Variants in PCBP3 observed in about 807,000 individuals in gnomAD.
PCBP3 encodes the protein poly(rC)-binding protein 3.
PCBP3 carries 25 observed loss-of-function variants against 52.7 expected under a neutral mutation model. The ratio of observed to expected loss-of-function variants is 0.47; its 90% confidence interval spans 0.35 to 0.66. PCBP3 has a LOEUF of 0.66. PCBP3 is among the 30% of genes least tolerant of loss of function. PCBP3 has a pLI of 0.01. For synonymous variants in PCBP3, 162 were observed against 183.0 expected, an observed-to-expected ratio of 0.89 and a Z score of 0.93; for missense variants, 391 against 490.3, an observed-to-expected ratio of 0.80 and a Z score of 1.91.
intron 4 of PCBP3, among the ~76,000 whole-genome samples, chr21:45,822,679 GGGGACAGGGTTAGGAGAGTGA>G (rs1432475495): frequency 4.4e-4 from 67 of 151,722 alleles, no homozygotes; most frequent in African/African-American, 1.6e-3. Context: ...GGACCCAGCA[GGGGACAGGGTTAGGAGAGTGA>G]GGGACAGGGT....
chr21:45,756,089 C>G (rs2088012834), intron 4 of PCBP3, among the ~76,000 whole-genome samples: 1 of 152,096 alleles, frequency 6.6e-6, no homozygotes, highest in Non-Finnish European at 1.5e-5. Flanking sequence ...ATTCCCCATC[C>G]CCCATCCATT....
At chr21:45,860,678 C>T (rs976650688) in intron 5 of PCBP3, among the ~76,000 whole-genome samples, 1 of 152,198 alleles carries the variant, frequency 6.6e-6, no homozygotes, top group Non-Finnish European at 1.5e-5. Flanking sequence ...TGCGAGGCTG[C>T]GTGACAGCGC....
intron 4 of PCBP3, chr21:45,760,826 C>T (rs1473563403): frequency 6.6e-6 from 1 of 152,184 alleles, no homozygotes; most frequent in Non-Finnish European, 1.5e-5. Context: ...TGGCTCATGC[C>T]TGTAATCCCA....
intron 4 of PCBP3, among the ~76,000 whole-genome samples, chr21:45,801,318 G>C (rs796408173): frequency 2.6e-5 from 4 of 152,324 alleles, no homozygotes; most frequent in African/African-American, 7.2e-5. Context: ...GTCTGTCTGA[G>C]TCCTGCCCTT....
chr21:45,655,658 T>C (rs2146939056), intron 1 of PCBP3, among the ~76,000 whole-genome samples: 1 of 152,166 alleles, frequency 6.6e-6, no homozygotes, highest in East Asian at 1.9e-4. Context: ...AATTAACAAA[T>C]GGGATCTAAT....
At chr21:45,900,228 C>T (rs970694312) in intron 7 of PCBP3, among the ~76,000 whole-genome samples, 1 of 152,300 alleles carries the variant, frequency 6.6e-6, no homozygotes, top group Non-Finnish European at 1.5e-5. Context: ...TCACCACCTC[C>T]GGGAGGCTGA....
At chr21:45,823,978 G>A (rs1020543714) in intron 4 of PCBP3, among the ~76,000 whole-genome samples, 2 of 152,180 alleles carry the variant, frequency 1.3e-5, no homozygotes, top group Admixed American at 1.3e-4. Flanking sequence ...CTGACCTCAC[G>A]TAATTCACCC....
intron 2 of PCBP3, among the ~76,000 whole-genome samples, chr21:45,698,601 A>G (rs2082927858): frequency 6.6e-6 from 1 of 152,238 alleles, no homozygotes; most frequent in Admixed American, 6.5e-5. Flanking sequence ...CAGTGACAGC[A>G]CTCATTCCAG....
rs114536865 is a variant in PCBP3, at chr21:45,940,113, C to T, written c.993C>T (p.Asn331=). 78 of 1,614,162 alleles carry T rather than the reference C, an allele frequency of 4.8e-5. No homozygotes were observed. The highest frequency in any genetic ancestry group is 1.6e-4 in the South Asian group (15 of 91,082). The change falls in exon 17 of 18, where the codon AAC becomes AAT. Residue 331 remains asparagine, a synonymous_variant. Transcript: ENST00000681687. Reference sequence around the variant, plus strand: ...CTGGAGCTCAGATCAAAATCGCCAACGCCACGGAAGGGTCCTCAGAGCGTC... The same window carrying T: ...CTGGAGCTCAGATCAAAATCGCCAATGCCACGGAAGGGTCCTCAGAGCGTC... ...QMSGAQIKIA[N]ATEGSSERQI... is the part of the protein sequence containing the mutation.
chr21:45,785,377 G>A lies in PCBP3; in HGVS notation c.-126+29925G>A, dbSNP rs1362508184. On this transcript the variant is annotated intron_variant, in intron 4 of 17. Coordinates refer to ENST00000681687, the MANE Select transcript of PCBP3 (RefSeq NM_001384156.1). ...CCCCGCCCGGCCAGCCGCCCCATCCGGGAGGTGAGGGGCGCCTCTGCCCGG... is the reference window on the plus strand; with the variant it reads ...CCCCGCCCGGCCAGCCGCCCCATCCAGGAGGTGAGGGGCGCCTCTGCCCGG... Among the ~76,000 whole-genome samples the A allele has an allele frequency of 2.0e-3, 302 of 150,166 alleles. 1 individual carries two copies. Among genetic ancestry groups the A allele is most frequent in the African/African-American group, 6.7e-3 (274 of 40,644 alleles).
At chr21:45,867,882 G>A (rs544633513) in intron 5 of PCBP3, among the ~76,000 whole-genome samples, 32 of 152,404 alleles carry the variant, frequency 2.1e-4, no homozygotes, top group African/African-American at 6.2e-4. Flanking sequence ...TGTGGTAAGA[G>A]GAAGAGCGAT....
intron 9 of PCBP3, 88 bp from the exon 10 acceptor site, chr21:45,909,267 T>C (rs1315325478): frequency 7.3e-7 from 1 of 1,370,250 alleles, no homozygotes; most frequent in Admixed American, 1.9e-5. Context: ...GGCTTCTGAG[T>C]GTGGGAAGTC....
chr21:45,770,853 A>G (rs892265888), intron 4 of PCBP3, among the ~76,000 whole-genome samples: 5 of 152,116 alleles, frequency 3.3e-5, no homozygotes, highest in African/African-American at 9.7e-5. Flanking sequence ...TCCCTCACCC[A>G]CTGCCTCCAT....
intron 4 of PCBP3, among the ~76,000 whole-genome samples, chr21:45,826,134 TG>T (rs1414813864): frequency 6.6e-6 from 1 of 151,964 alleles, no homozygotes; most frequent in Non-Finnish European, 1.5e-5. Flanking sequence ...GGCACATGCC[TG>T]TAATCCCAGC....
chr21:45,901,338 G>T (rs1474252657), intron 9 of PCBP3: 6 of 503,750 alleles, frequency 1.2e-5, no homozygotes, highest in Non-Finnish European at 1.5e-5. Context: ...GCTACTCCCG[G>T]CTGTATGCCT....
At position 45,900,637 on chromosome 21, in the gene PCBP3, G is replaced by A; in HGVS notation, c.222+14G>A. 8.1e-7 allele frequency: 1 copy of A among 1,237,448 alleles called. No homozygotes were observed. The highest frequency in any genetic ancestry group is 1.1e-6 in the Non-Finnish European group (1 of 870,608). The allele number at this position is 1,237,448 out of a possible 1,614,324, so 76.7% of individuals were successfully genotyped here. A position where few individuals can be genotyped will look rare whatever the true frequency, so the allele number is the denominator to read the frequency against. On this transcript the variant is annotated intron_variant, in intron 8 of 17. Coordinates refer to ENST00000681687, the MANE Select transcript of PCBP3 (RefSeq NM_001384156.1). ...ATGCGTGAGGAGGTGAGTGTGGTGGGTCCCCACCTGTCCGCAGCCATTCCC... is the reference window on the plus strand; with the variant it reads ...ATGCGTGAGGAGGTGAGTGTGGTGGATCCCCACCTGTCCGCAGCCATTCCC...
intron 15 of PCBP3, 132 bp downstream of exon 15, chr21:45,930,977 G>T (rs2076104262): frequency 2.3e-6 from 3 of 1,295,442 alleles, no homozygotes; most frequent in Non-Finnish European, 3.2e-6. Context: ...AGCCTCAGGT[G>T]CTGCCAAGGG....
At chr21:45,818,212 G>A (rs571339454) in intron 4 of PCBP3, among the ~76,000 whole-genome samples, 1 of 151,608 alleles carries the variant, frequency 6.6e-6, no homozygotes, top group Non-Finnish European at 1.5e-5. Flanking sequence ...TAATAGAGAC[G>A]GGGTTTCACC....
chr21:45,785,979 AG>A (rs1310104679), intron 4 of PCBP3, among the ~76,000 whole-genome samples: 1 of 150,388 alleles, frequency 6.6e-6, no homozygotes, highest in African/African-American at 2.5e-5. Context: ...TCAAGTACCC[AG>A]GGACACAAAC....
Sources: allele counts gnomAD v4.1 joint callset (sites outside exome capture counted in the v4.1 genomes callset), GRCh38; gene constraint gnomAD v4.1.1; transcripts MANE v1.5; gene names NCBI Gene and HGNC (gene_info 2026-07-23, HGNC 2026-07-21).